NELFA: variants seen among roughly 807,000 people sequenced by gnomAD.
NELFA encodes negative elongation factor complex member A.
In NELFA, 35 loss-of-function variants were observed where a neutral mutation model predicts 51.8. The observed-to-expected ratio is 0.68, with a 90% CI of 0.52 to 0.90. NELFA has a LOEUF of 0.90. NELFA is among the 40% of genes least tolerant of loss of function. The pLI is 0.00. For synonymous variants in NELFA, 417 were observed against 338.4 expected (o/e 1.23, Z -2.55); for missense variants, 658 against 746.4 (o/e 0.88, Z 1.38).
At chr4:2,004,198 A>G (rs1363791793) in intron 1 of NELFA, 1 of 152,106 alleles carries the variant, frequency 6.6e-6, no homozygotes, top group African/African-American at 2.4e-5. Context: ...AAAAGAAAAC[A>G]TTACATTAAG....
intron 1 of NELFA, among the ~76,000 whole-genome samples, chr4:1,997,845 G>A (rs1281517823): frequency 6.6e-6 from 1 of 152,110 alleles, no homozygotes; most frequent in Non-Finnish European, 1.5e-5. Context: ...CTCCAACAGG[G>A]GTTGTCAGAC....
intron 1 of NELFA, among the ~76,000 whole-genome samples, chr4:2,002,661 G>A (rs1040948756): frequency 6.6e-6 from 1 of 152,166 alleles, no homozygotes; most frequent in Admixed American, 6.5e-5. Flanking sequence ...AAATGGTGCT[G>A]GGAAAACTGG....
chr4:1,999,303 C>T (rs1447924687), intron 1 of NELFA, among the ~76,000 whole-genome samples: 1 of 151,386 alleles, frequency 6.6e-6, no homozygotes, highest in African/African-American at 2.4e-5. Flanking sequence ...CAATATTAAC[C>T]TTCAATGTAA....
At chr4:1,999,131 G>A (rs955571611) in intron 1 of NELFA, among the ~76,000 whole-genome samples, 1 of 151,704 alleles carries the variant, frequency 6.6e-6, no homozygotes, top group Admixed American at 6.6e-5. Flanking sequence ...CCCCGCCCCG[G>A]AAGAACTCTG....
chr4:1,993,462 C>T (rs1728336212), intron 1 of NELFA, among the ~76,000 whole-genome samples: 2 of 151,922 alleles, frequency 1.3e-5, no homozygotes, highest in African/African-American at 4.8e-5. Flanking sequence ...TCCTGTAATC[C>T]CAGCTACTTG....
At chr4:1,986,680 G>A (rs1007471565) in intron 4 of NELFA, 13 of 420,710 alleles carry the variant, frequency 3.1e-5, no homozygotes, top group South Asian at 1.9e-4. Flanking sequence ...CCAGTGTGGC[G>A]GGGGCTGAGC....
At position 1,989,924 on chromosome 4, in the gene NELFA, TGA is replaced by T; in HGVS notation, c.383-57_383-56del. 2 of 1,576,426 alleles carry T rather than the reference TGA, an allele frequency of 1.3e-6. No homozygotes were observed. The highest frequency in any genetic ancestry group is 1.7e-6 in the Non-Finnish European group (2 of 1,161,184). On this transcript the variant is annotated intron_variant, in intron 2 of 10. Transcript: ENST00000382882. This position sits in a 1 kb window ranked among gnomAD's most constrained non-coding sequence, Gnocchi z 4.8. ...GCGCCCAGGCCGCAGACCTCCCGGC[TGA>T]GAGGAGCTGGCGGCTGCCCAGCCCC...
At chr4:1,990,779 A>G (rs1214763181) in intron 2 of NELFA, among the ~76,000 whole-genome samples, 1 of 152,226 alleles carries the variant, frequency 6.6e-6, no homozygotes, top group African/African-American at 2.4e-5. Context: ...CCATCAAGAC[A>G]TGTTCTTCAA....
chr4:2,000,614 C>A (rs2109065987), intron 1 of NELFA, among the ~76,000 whole-genome samples: 2 of 152,254 alleles, frequency 1.3e-5, no homozygotes, highest in South Asian at 4.1e-4. Context: ...GAAGTCGAAT[C>A]CCTGACTAGA....
At chr4:2,003,582 CA>C (rs1728630382) in intron 1 of NELFA, among the ~76,000 whole-genome samples, 1 of 152,150 alleles carries the variant, frequency 6.6e-6, no homozygotes, top group Non-Finnish European at 1.5e-5. Context: ...TTTGCAGGGA[CA>C]TGGATGAAGC....
intron 1 of NELFA, among the ~76,000 whole-genome samples, chr4:2,001,938 T>C (rs181271144): frequency 5.9e-4 from 86 of 144,546 alleles, no homozygotes; most frequent in African/African-American, 6.5e-4. Flanking sequence ...CGGTGGCTCA[T>C]GCCTGTAATC....
In NELFA at chr4:1,984,713, C is replaced by A. The variant is rs1728026955; in HGVS notation, c.1036+95G>T. The stretch of plus-strand genomic sequence containing the variant: ...AGGCAGAAGGGGGACAACAGAGATG[C>A]AGGAGTGAGAACCGCAGCCCTGGCA... On this transcript the variant is annotated intron_variant, in intron 8 of 10. Transcript: ENST00000382882. 6 of 810,070 alleles carry A rather than the reference C, an allele frequency of 7.4e-6. No homozygotes were observed. The South Asian group carries it at 1.0e-4, about 14-fold the overall frequency. 50.2% of individuals were successfully genotyped at this position (810,070 alleles called of 1,614,324 possible).
chr4:1,991,475 TC>T, intron 2 of NELFA, 68 bp downstream of exon 2: 1 of 1,551,272 alleles, frequency 6.4e-7, no homozygotes, highest in Non-Finnish European at 8.8e-7. Context: ...CAAATTCATT[TC>T]AGAAAAAAAT....
intron 7 of NELFA, among the ~76,000 whole-genome samples, chr4:1,985,575 C>A (rs943275179): frequency 6.6e-6 from 1 of 152,222 alleles, no homozygotes; most frequent in African/African-American, 2.4e-5. Context: ...GGTTCCCGCT[C>A]CAAGCCTGAG....
intron 1 of NELFA, among the ~76,000 whole-genome samples, chr4:1,993,957 G>A (rs1246730877): frequency 6.6e-6 from 1 of 152,140 alleles, no homozygotes; most frequent in Non-Finnish European, 1.5e-5. Context: ...CCACCACCAC[G>A]CCCGGCCCAG....
rs756616777 is a variant in NELFA, at chr4:1,986,523, GGCGGGCA to G, written c.635-128_635-122del. 2.7e-6 allele frequency: 4 copies of G among 1,485,190 alleles called. No individual in the cohort carries two copies. In the South Asian group the frequency reaches 3.8e-5, roughly 14 times the overall value. The allele number at this position is 1,485,190 out of a possible 1,614,324, so 92.0% of individuals were successfully genotyped here. On this transcript the variant is annotated intron_variant, in intron 4 of 10. Coordinates refer to ENST00000382882, the MANE Select transcript of NELFA (RefSeq NM_005663.5). ...CGCAGAGGGGAAGGGCCAAACCCCT[GGCGGGCA>G]GCGGGCAGGACCCCCAGGATCCCGG...
At chr4:1,988,100 G>T in intron 3 of NELFA, 93 bp from the exon 4 acceptor site, 1 of 1,113,060 alleles carries the variant, frequency 9.0e-7, no homozygotes. Flanking sequence ...TCATCCGACG[G>T]CCTGAGCCGT....
intron 7 of NELFA, 65 bp from the exon 8 acceptor site, chr4:1,984,984 G>A (rs1433884119): frequency 2.5e-6 from 3 of 1,203,296 alleles, no homozygotes; most frequent in Non-Finnish European, 3.5e-6. Flanking sequence ...CTAACACATG[G>A]CCCGACCCGG....
intron 7 of NELFA, 70 bp downstream of exon 7, chr4:1,985,706 A>G (rs1243116011): frequency 9.9e-7 from 1 of 1,014,858 alleles, no homozygotes; most frequent in Non-Finnish European, 1.6e-6. Flanking sequence ...AGAGCACACT[A>G]GTGGCCACAA....
Sources: gnomAD v4.1 joint callset for allele counts (sites outside exome capture counted in the v4.1 genomes callset) on GRCh38, gnomAD v4.1.1 for gene constraint, Gnocchi (gnomAD v3.1) non-coding constraint, MANE v1.5 for transcripts, NCBI Gene and HGNC (gene_info 2026-07-23, HGNC 2026-07-21) for gene names.